RTTN: variants seen among roughly 807,000 people sequenced by gnomAD.
The protein encoded by RTTN is rotatin.
RTTN carries 182 observed loss-of-function variants against 269.2 expected under a neutral mutation model. That is an observed-to-expected ratio of 0.68 (90% confidence interval 0.60 to 0.76). The LOEUF is 0.76. Ranked by LOEUF, RTTN falls within the 30% of genes least tolerant of loss-of-function variation. The probability of loss-of-function intolerance (pLI) is 0.00; values close to 1 mark genes in which losing one functional copy is unlikely to be tolerated. For missense variants in RTTN, 2,545 were observed against 2,608.6 expected (o/e 0.98, Z 0.53); for synonymous variants, 1,006 against 963.5 (o/e 1.04, Z -0.82).
intron 17 of RTTN, among the ~76,000 whole-genome samples, chr18:70,148,531 G>A (rs1337121853): frequency 6.6e-6 from 1 of 152,126 alleles, no homozygotes; most frequent in Non-Finnish European, 1.5e-5. Context: ...CAGAACAGAT[G>A]TTTACAAAAG....
rs1568267221 is a variant in RTTN at position 70,030,931 on chromosome 18, A to G, written c.5592T>C (p.Asn1864=). The change falls in exon 41 of 49, where the codon AAT becomes AAC. Residue 1864 remains asparagine, a synonymous_variant. Transcript: ENST00000640769. ...SKDILKRVAA[N]ALMSLLAVSR... ...TGACAGCCAGCAGTGACATCAATGC[A>G]TTTGCAGCTACTCTTTTCAGGATAT... The G allele has an allele frequency of 1.2e-6, 2 of 1,613,732 alleles. No individual in the cohort carries two copies. Among genetic ancestry groups the G allele is most frequent in the Non-Finnish European group, 1.7e-6 (2 of 1,179,874 alleles).
intron 23 of RTTN, among the ~76,000 whole-genome samples, chr18:70,134,092 G>C (rs905645351): frequency 6.6e-6 from 1 of 152,028 alleles, no homozygotes; most frequent in African/African-American, 2.4e-5. Flanking sequence ...GGAATATATA[G>C]GAAAGGAGTG....
At chr18:70,193,545 A>G in intron 7 of RTTN, 92 bp from the exon 8 acceptor site, 1 of 972,862 alleles carries the variant, frequency 1.0e-6, no homozygotes, top group Non-Finnish European at 1.4e-6. Context: ...AAAAACATTA[A>G]CAAATTAAGA....
At position 70,054,184 on chromosome 18, in the gene RTTN, G is replaced by C. The variant is rs1392371026; in HGVS notation, c.5132C>G (p.Pro1711Arg). 1 of 1,613,680 alleles carries C rather than the reference G, an allele frequency of 6.2e-7. No homozygotes were observed. Among genetic ancestry groups the C allele is most frequent in the Admixed American group, 1.7e-5 (1 of 60,008 alleles). Residue 1711 changes from proline (P) to arginine (R), a missense_variant, in exon 38 of 49, where the codon CCT becomes CGT. Transcript: ENST00000640769. ...AATTCCAATGATATTGGTGATAAGA[G>C]GTTTCACAAGCTCATCCTGAATCAC... ...DLVIQDELVK[P>R]LITNIIGILT...
At chr18:70,052,015 G>C (rs111268651) in intron 38 of RTTN, among the ~76,000 whole-genome samples, 19 of 152,174 alleles carry the variant, frequency 1.2e-4, no homozygotes, top group Non-Finnish European at 4.4e-5. Flanking sequence ...GAATTTCTTT[G>C]AAGAACCAAG....
At chr18:70,019,991 A>G (rs1257829433) in intron 45 of RTTN, 5 of 152,238 alleles carry the variant, frequency 3.3e-5, no homozygotes, top group African/African-American at 1.2e-4. Flanking sequence ...ATTACATTCA[A>G]ATTTGAAGGG....
At chr18:70,184,792 G>A (rs2061506658) in intron 10 of RTTN, among the ~76,000 whole-genome samples, 1 of 137,968 alleles carries the variant, frequency 7.2e-6, no homozygotes, top group African/African-American at 2.6e-5. Context: ...CTACTTGGGA[G>A]GCTGAGGCAG....
chr18:70,071,620 A>G (rs2058298116), intron 34 of RTTN, among the ~76,000 whole-genome samples: 1 of 152,196 alleles, frequency 6.6e-6, no homozygotes, highest in Admixed American at 6.5e-5. Flanking sequence ...AGCATTTACA[A>G]GGGCGATGCC....
At chr18:70,135,069 G>A (rs1390792656) in intron 22 of RTTN, 115 bp downstream of exon 22, 1 of 584,326 alleles carries the variant, frequency 1.7e-6, no homozygotes, top group African/African-American at 2.0e-5. Context: ...CATATGTGTA[G>A]CATGGACAGC....
intron 38 of RTTN, 61 bp from the exon 39 acceptor site, chr18:70,051,609 G>C: frequency 2.3e-6 from 3 of 1,307,556 alleles, no homozygotes; most frequent in East Asian, 2.5e-5. Context: ...AACCTTTCAA[G>C]ATATAAAACT....
In RTTN at chr18:70,150,722, A is replaced by C; in HGVS notation, c.1941T>G (p.Gly647=). The change falls in exon 15 of 49, where the codon GGT becomes GGG. Residue 647 remains glycine (G), a synonymous_variant. Coordinates refer to ENST00000640769, the MANE Select transcript of RTTN (RefSeq NM_173630.4). ...CCLEITKECL[G]VHNVTKPVSS... ...ACACGGGTTTAGTGACATTATGGAC[A>C]CCTAAACATTCCTGTAAAATAATAT... 1.3e-6 allele frequency: 2 copies of C among 1,589,514 alleles called. No individual in the cohort carries two copies. The highest frequency in any genetic ancestry group is 1.1e-5 in the South Asian group (1 of 87,352).
chr18:70,022,906 A>G (rs1247685659), intron 44 of RTTN, among the ~76,000 whole-genome samples: 1 of 151,930 alleles, frequency 6.6e-6, no homozygotes, highest in Non-Finnish European at 1.5e-5. Flanking sequence ...CTCCATCTAC[A>G]CATTCTCCCT....
Position 70,003,242 on chromosome 18 carries a change from T to G in RTTN, c.*909A>C, listed in dbSNP as rs1041573318. ...TTAGGAGAGATGGGATTTCACCAAG[T>G]TGCCCAAGCTGGTCTCAAACTCCTG... On this transcript the variant is annotated 3_prime_UTR_variant, in exon 49 of 49. Coordinates refer to ENST00000640769, the MANE Select transcript of RTTN (RefSeq NM_173630.4). 1 of 152,024 alleles carries G rather than the reference T, an allele frequency of 6.6e-6. No homozygotes were observed. Among genetic ancestry groups the G allele is most frequent in the African/African-American group, 2.4e-5 (1 of 41,356 alleles). 9.4% of individuals were successfully genotyped at this position (152,024 alleles called of 1,614,324 possible).
rs771543596 is a variant in RTTN at position 70,114,463 on chromosome 18, A to G, written c.3665T>C (p.Phe1222Ser). The change falls in exon 27 of 49, where the codon TTC (phenylalanine) becomes TCC (serine). Residue 1222 changes from phenylalanine to serine, a missense_variant. Phe to Ser is a radical substitution (Grantham distance 155). Transcript: ENST00000640769. ...IALFDTLLLN[F>S]MEVTDRKCSE... ...ATGGTACCTGTCAGTAACTTCCATG[A>G]AATTGAGCAGCAAGGTATCAAAAAG... is the stretch of plus-strand genomic sequence containing the variant. The G allele has an allele frequency of 6.8e-6, 11 of 1,613,006 alleles. No homozygotes were observed. The highest frequency in any genetic ancestry group is 2.2e-5 in the East Asian group (1 of 44,866).
intron 11 of RTTN, among the ~76,000 whole-genome samples, chr18:70,176,146 AAAG>A (rs149388692): frequency 0.034 from 5,154 of 152,044 alleles, 305 homozygotes; most frequent in African/African-American, 0.12. Context: ...TAAAGAAACC[AAAG>A]AAGTCAAACA....
rs10701052 is a variant in RTTN at position 70,041,380 on chromosome 18, GCA to G, written c.5541+6589_5541+6590del. ...CCATTAAAATGACAAAAATGGGATT[GCA>G]CACACACACACACACACACAAGCCT... On this transcript the variant is annotated intron_variant, in intron 40 of 48. Transcript: ENST00000640769. Among the ~76,000 whole-genome samples the G allele has an allele frequency of 9.9e-3, 1,460 of 147,450 alleles. 23 individuals are homozygous for G. Among genetic ancestry groups the G allele is most frequent in the African/African-American group, 0.034 (1,390 of 40,418 alleles).
intron 32 of RTTN, among the ~76,000 whole-genome samples, chr18:70,078,762 G>A (rs376636213): frequency 2.0e-4 from 31 of 152,122 alleles, no homozygotes; most frequent in African/African-American, 6.7e-4. Context: ...TGAGACTGCA[G>A]ATGAGAATGT....
At chr18:70,161,694 C>G (rs1205861679) in intron 14 of RTTN, among the ~76,000 whole-genome samples, 3 of 152,092 alleles carry the variant, frequency 2.0e-5, no homozygotes, top group African/African-American at 7.2e-5. Context: ...AGGACATAAA[C>G]AGACACTTCT....
chr18:70,117,169 A>G (rs1599633996), intron 26 of RTTN, among the ~76,000 whole-genome samples: 1 of 152,076 alleles, frequency 6.6e-6, no homozygotes, highest in East Asian at 1.9e-4. Context: ...CTTCTGACTA[A>G]TCAGGCGTTC....
Sources: gnomAD v4.1 joint callset for allele counts (sites outside exome capture counted in the v4.1 genomes callset) on GRCh38, gnomAD v4.1.1 for gene constraint, MANE v1.5 for transcripts, NCBI Gene and HGNC (gene_info 2026-07-23, HGNC 2026-07-21) for gene names.